DNAH14: variants seen among roughly 807,000 people sequenced by gnomAD.
DNAH14 encodes axonemal beta dynein heavy chain 14.
A neutral mutation model predicts 520.9 loss-of-function variants in DNAH14; 478 were observed. The observed-to-expected ratio is 0.92, with a 90% CI of 0.85 to 0.99. The LOEUF is 0.99. Ranked by LOEUF, DNAH14 falls within the 50% of genes least tolerant of loss-of-function variation. The pLI is 0.00. For missense variants in DNAH14, 4,831 were observed against 5,234.5 expected, an observed-to-expected ratio of 0.92 and a Z score of 2.38; for synonymous variants, 1,581 against 1,757.2, an observed-to-expected ratio of 0.90 and a Z score of 2.51.
At chr1:225,105,586 T>G (rs6656178) in intron 23 of DNAH14, among the ~76,000 whole-genome samples, 19,589 of 152,164 alleles carry the variant, frequency 0.13, 3,882 homozygotes, top group African/African-American at 0.43. Flanking sequence ...TGGGTGCATA[T>G]ATATTTAGGA....
At position 225,008,022 on chromosome 1, in the gene DNAH14, C is replaced by T. The variant is rs187350135; in HGVS notation, c.1107+478C>T. On this transcript the variant is annotated intron_variant, in intron 10 of 85. Transcript: ENST00000682510. ...CATGTGCTATGGTGGTTTGCTGCACCCATCAACCCATCATTTACATTCGGT... is the reference window on the plus strand; with the variant it reads ...CATGTGCTATGGTGGTTTGCTGCACTCATCAACCCATCATTTACATTCGGT... Among the ~76,000 whole-genome samples, 34 of 151,626 alleles carry T rather than the reference C, an allele frequency of 2.2e-4. No homozygotes were observed. In the East Asian group the frequency reaches 5.1e-3, roughly 23 times the overall value.
rs375261560 is a variant in DNAH14, at chr1:225,261,882, G to T, written c.7158-2315G>T. ...TACTTTTCAAAAGTATTAACAACTAGATTCATTTATTTAAATGAGAAATTC... is the reference window on the plus strand; with the variant it reads ...TACTTTTCAAAAGTATTAACAACTATATTCATTTATTTAAATGAGAAATTC... On this transcript the variant is annotated intron_variant, in intron 46 of 85. Coordinates refer to ENST00000682510, the MANE Select transcript of DNAH14 (RefSeq NM_001367479.1). Among the ~76,000 whole-genome samples, 6 of 152,006 alleles carry T rather than the reference G, an allele frequency of 3.9e-5. No homozygotes were observed. The East Asian group carries it at 1.2e-3, about 29-fold the overall frequency.
intron 55 of DNAH14, among the ~76,000 whole-genome samples, chr1:225,290,647 G>GTATATATA (rs56045354): frequency 8.9e-4 from 51 of 57,514 alleles, no homozygotes; most frequent in Non-Finnish European, 1.1e-3. Flanking sequence ...GTGTGTGTGT[G>GTATATATA]TATATATATA....
intron 7 of DNAH14, among the ~76,000 whole-genome samples, chr1:224,973,039 C>T (rs2061595088): frequency 6.6e-6 from 1 of 152,156 alleles, no homozygotes; most frequent in Non-Finnish European, 1.5e-5. Flanking sequence ...TTCTGAGATA[C>T]CATGACTCTA....
intron 17 of DNAH14, among the ~76,000 whole-genome samples, chr1:225,075,200 G>A (rs2072109036): frequency 6.6e-6 from 1 of 152,130 alleles, no homozygotes; most frequent in South Asian, 2.1e-4. Flanking sequence ...GTTTCCTGTG[G>A]TCACACATTC....
intron 17 of DNAH14, among the ~76,000 whole-genome samples, chr1:225,068,357 A>G (rs1193991195): frequency 6.6e-6 from 1 of 152,040 alleles, no homozygotes; most frequent in Admixed American, 6.6e-5. Context: ...GTAGCCCTGT[A>G]GTGTAGTATG....
chr1:225,308,438 T>C, intron 60 of DNAH14, 28 bp downstream of exon 60: 1 of 1,503,958 alleles, frequency 6.6e-7, no homozygotes, highest in Middle Eastern at 1.8e-4. Flanking sequence ...TCAATAAAAA[T>C]AATTTGGAGA....
chr1:225,151,942 A>G (rs188545033), intron 31 of DNAH14, 63 bp from the exon 32 acceptor site: 1 of 1,337,824 alleles, frequency 7.5e-7, no homozygotes, highest in Non-Finnish European at 1.1e-6. Flanking sequence ...ACTCACTTAT[A>G]GTTTTAACAT....
intron 84 of DNAH14, among the ~76,000 whole-genome samples, chr1:225,394,781 T>C (rs917566115): frequency 6.6e-6 from 1 of 151,196 alleles, no homozygotes; most frequent in African/African-American, 2.4e-5. Flanking sequence ...GAGGCAGAGG[T>C]TGCAGTGAGC....
At chr1:225,104,714 G>A (rs2075856106) in intron 23 of DNAH14, among the ~76,000 whole-genome samples, 1 of 152,162 alleles carries the variant, frequency 6.6e-6, no homozygotes, top group African/African-American at 2.4e-5. Context: ...TTGTATTTCT[G>A]TGGGATAGGT....
chr1:224,981,964 C>G (rs2062301762), intron 8 of DNAH14, among the ~76,000 whole-genome samples: 1 of 152,128 alleles, frequency 6.6e-6, no homozygotes, highest in Non-Finnish European at 1.5e-5. Flanking sequence ...CTGAAGGCAG[C>G]CGGTTTTTAC....
At chr1:225,038,886 A>T in intron 12 of DNAH14, 63 bp downstream of exon 12, 2 of 1,327,442 alleles carry the variant, frequency 1.5e-6, no homozygotes, top group Middle Eastern at 2.1e-4. Flanking sequence ...ACATTTTAAA[A>T]TTTAAAATGT....
intron 10 of DNAH14, among the ~76,000 whole-genome samples, chr1:225,022,839 A>T (rs150220464): frequency 6.6e-5 from 10 of 152,344 alleles, no homozygotes; most frequent in African/African-American, 2.4e-4. Flanking sequence ...CATGGAATCA[A>T]CCTAGATGCC....
intron 27 of DNAH14, among the ~76,000 whole-genome samples, chr1:225,129,848 C>G (rs2078191166): frequency 6.6e-6 from 1 of 152,144 alleles, no homozygotes; most frequent in African/African-American, 2.4e-5. Context: ...AGCTTCTGCA[C>G]AGCAAAAGAA....
At chr1:225,056,306 A>G (rs111515309) in intron 17 of DNAH14, among the ~76,000 whole-genome samples, 7 of 152,064 alleles carry the variant, frequency 4.6e-5, no homozygotes, top group Admixed American at 2.6e-4. Flanking sequence ...GCATTTTTTC[A>G]TGTCTTTTGG....
At chr1:225,211,846 T>A (rs1389478933) in intron 41 of DNAH14, among the ~76,000 whole-genome samples, 1 of 151,984 alleles carries the variant, frequency 6.6e-6, no homozygotes, top group African/African-American at 2.4e-5. Context: ...TATTCAACAT[T>A]CTTAAAGGAA....
intron 7 of DNAH14, among the ~76,000 whole-genome samples, chr1:224,971,310 T>C (rs2061489550): frequency 6.6e-6 from 1 of 152,192 alleles, no homozygotes; most frequent in Admixed American, 6.5e-5. Context: ...AATAATATTT[T>C]AAATTGTTTA....
At chr1:225,101,155 C>CT (rs565774205) in intron 23 of DNAH14, among the ~76,000 whole-genome samples, 2,174 of 147,260 alleles carry the variant, frequency 0.015, 48 homozygotes, top group African/African-American at 0.05. Context: ...GATATCCTAT[C>CT]TTTTTTTTTT....
At position 225,367,957 on chromosome 1, in the gene DNAH14, T is replaced by G; in HGVS notation, c.12243T>G (p.Ala4081=). The G allele has an allele frequency of 1.3e-6, 2 of 1,551,570 alleles. No individual in the cohort carries two copies. The highest frequency in any genetic ancestry group is 8.7e-7 in the Non-Finnish European group (1 of 1,146,932). ...KLLFSLCFFN[A]VINERKNYGI... is the part of the protein sequence containing the mutation. ...TATTTAGCCTATGTTTTTTCAATGC[T>G]GTAATCAATGAAAGAAAAAATTACG... is the stretch of plus-strand genomic sequence containing the variant. The change falls in exon 77 of 86, where the codon GCT becomes GCG. Residue 4081 remains alanine (A), a synonymous_variant. Transcript: ENST00000682510.
Sources: allele counts gnomAD v4.1 joint callset (sites outside exome capture counted in the v4.1 genomes callset), GRCh38; gene constraint gnomAD v4.1.1; transcripts MANE v1.5; gene names NCBI Gene and HGNC (gene_info 2026-07-23, HGNC 2026-07-21).